TET2: variants seen among roughly 807,000 people sequenced by gnomAD.
TET2 encodes tet methylcytosine dioxygenase 2, also known as methylcytosine dioxygenase TET2.
In TET2, 299 loss-of-function variants were observed where a neutral mutation model predicts 142.9. The observed-to-expected ratio is 2.09, with a 90% CI of 1.90 to 2.30. The LOEUF (loss-of-function observed/expected upper bound fraction) is 2.30, where lower values mean the gene tolerates loss of function less well. Ranked by LOEUF, TET2 falls within the 30% of genes most tolerant of loss-of-function variation. The pLI is 0.00. For synonymous variants in TET2, 819 were observed against 849.0 expected, an observed-to-expected ratio of 0.96 and a Z score of 0.61; for missense variants, 2,418 against 2,378.0, an observed-to-expected ratio of 1.02 and a Z score of -0.35.
Position 105,237,338 on chromosome 4 carries a change from T to C in TET2, c.3396T>C (p.Ser1132=), listed in dbSNP as rs1432605535. The part of the protein sequence containing the change: ...TPVKTQYDFP[S]CRCVEQIIEK... ...TCAAGACTCAATATGATTTCCCATC[T>C]TGCAGATGTGTAGGTAAGTGCCAGA... is the stretch of plus-strand genomic sequence containing the variant. The change falls in exon 3 of 11, where the codon TCT becomes TCC. Residue 1132 remains serine, a synonymous_variant. Transcript: ENST00000380013. The C allele has an allele frequency of 6.2e-7, 1 of 1,614,170 alleles. No individual in the cohort carries two copies. The highest frequency in any genetic ancestry group is 1.7e-5 in the Admixed American group (1 of 60,022).
At chr4:105,185,554 G>A (rs1382764815) in intron 1 of TET2, among the ~76,000 whole-genome samples, 1 of 152,168 alleles carries the variant, frequency 6.6e-6, no homozygotes, top group East Asian at 1.9e-4. Flanking sequence ...GCCGAGGTAT[G>A]CGGATCACGA....
At chr4:105,194,371 A>T (rs1489915099) in intron 2 of TET2, among the ~76,000 whole-genome samples, 1 of 152,014 alleles carries the variant, frequency 6.6e-6, no homozygotes, top group Admixed American at 6.6e-5. Context: ...TTATCTTTTT[A>T]TCTTTTCAGT....
rs1166792114 is a variant in TET2 at position 105,276,123 on chromosome 4, TCTC to T, written c.5614_5616del (p.Leu1872del). 6.4e-7 allele frequency: 1 copy of T among 1,551,464 alleles called. No individual in the cohort carries two copies. The highest frequency in any genetic ancestry group is 8.7e-7 in the Non-Finnish European group (1 of 1,146,958). ...CCGTGGCTCCAACTCATGGGTCAATTCTCATTGAGTGTGCAAAGCGTGAGCTGC... is the reference window on the plus strand; with the variant it reads ...CCGTGGCTCCAACTCATGGGTCAATTATTGAGTGTGCAAAGCGTGAGCTGC... On this transcript the variant is annotated inframe_deletion, in exon 11 of 11. Coordinates refer to ENST00000380013, the MANE Select transcript of TET2 (RefSeq NM_001127208.3).
chr4:105,193,796 A>C (rs1725924199), intron 2 of TET2, among the ~76,000 whole-genome samples: 1 of 152,216 alleles, frequency 6.6e-6, no homozygotes, highest in Admixed American at 6.5e-5. Flanking sequence ...GATATTCTTA[A>C]GGCAACTAAA....
chr4:105,224,974 A>G (rs994606283), intron 2 of TET2, among the ~76,000 whole-genome samples: 14 of 152,112 alleles, frequency 9.2e-5, no homozygotes, highest in African/African-American at 3.4e-4. Context: ...GACTAGTGGG[A>G]TCTAAATTAT....
chr4:105,204,588 G>T (rs1463030591), intron 2 of TET2, among the ~76,000 whole-genome samples: 2 of 152,216 alleles, frequency 1.3e-5, no homozygotes, highest in Non-Finnish European at 2.9e-5. Context: ...GAATATCTGT[G>T]GCACAATGGG....
At chr4:105,270,782 G>A (rs982292586) in intron 9 of TET2, among the ~76,000 whole-genome samples, 1 of 151,990 alleles carries the variant, frequency 6.6e-6, no homozygotes, top group African/African-American at 2.4e-5. Flanking sequence ...AAAATATTCT[G>A]TTGAAAAAAC....
chr4:105,267,947 C>T (rs1730769318), intron 8 of TET2, among the ~76,000 whole-genome samples: 1 of 152,024 alleles, frequency 6.6e-6, no homozygotes, highest in Non-Finnish European at 1.5e-5. Flanking sequence ...CTATTAAATA[C>T]ATAAATGGAA....
At chr4:105,225,185 C>CTGTGTGTGT (rs112615379) in intron 2 of TET2, among the ~76,000 whole-genome samples, 9 of 147,104 alleles carry the variant, frequency 6.1e-5, no homozygotes, top group African/African-American at 2.0e-4. Flanking sequence ...AGTAAAAAAT[C>CTGTGTGTGT]GTGTGTGTGT....
intron 2 of TET2, among the ~76,000 whole-genome samples, chr4:105,202,047 C>T (rs1038586517): frequency 3.3e-5 from 5 of 151,914 alleles, no homozygotes; most frequent in South Asian, 2.1e-4. Flanking sequence ...CCAGCCCCTC[C>T]GGAATCTTTA....
Position 105,237,156 on chromosome 4 carries a change from G to T in TET2, c.3214G>T (p.Ala1072Ser). The T allele has an allele frequency of 6.2e-7, 1 of 1,614,110 alleles. No homozygotes were observed. The change falls in exon 3 of 11, where the codon GCA (alanine) becomes TCA (serine). Residue 1072 changes from alanine to serine, a missense_variant. Physicochemically the swap from Ala to Ser is moderately conservative, Grantham distance 99. Coordinates refer to ENST00000380013, the MANE Select transcript of TET2 (RefSeq NM_001127208.3). The stretch of plus-strand genomic sequence containing the variant: ...AGTTTTGACTAGACAAACCACTGCT[G>T]CAGAACTTGATAGCCACACCCCAGC... ...VTVLTRQTTAAELDSHTPALE... is the reference protein window; with the variant it reads ...VTVLTRQTTASELDSHTPALE...
chr4:105,168,428 G>A (rs1465611435), intron 1 of TET2, among the ~76,000 whole-genome samples: 6 of 151,930 alleles, frequency 3.9e-5, no homozygotes, highest in Non-Finnish European at 5.9e-5. Context: ...CCCTCTTCCT[G>A]GAGCACCCTT....
At chr4:105,223,576 A>C (rs547284164) in intron 2 of TET2, among the ~76,000 whole-genome samples, 167 of 152,168 alleles carry the variant, frequency 1.1e-3, no homozygotes, top group Non-Finnish European at 1.9e-3. Context: ...TTAGAACACT[A>C]TACAGAGGGA....
chr4:105,265,690 T>A (rs1239436005), intron 8 of TET2, among the ~76,000 whole-genome samples: 2 of 152,176 alleles, frequency 1.3e-5, no homozygotes, highest in African/African-American at 4.8e-5. Context: ...TGCAAGTTCA[T>A]CTTCTAGCCA....
At chr4:105,206,605 G>A (rs971031496) in intron 2 of TET2, among the ~76,000 whole-genome samples, 2 of 152,164 alleles carry the variant, frequency 1.3e-5, no homozygotes, top group Non-Finnish European at 2.9e-5. Flanking sequence ...CTGGGATTGG[G>A]CTCTTAGTGA....
Position 105,276,001 on chromosome 4 carries a change from G to T in TET2, c.5491G>T (p.Ala1831Ser). 3 of 1,551,774 alleles carry T rather than the reference G, an allele frequency of 1.9e-6. No individual in the cohort carries two copies. The highest frequency in any genetic ancestry group is 2.6e-6 in the Non-Finnish European group (3 of 1,147,012). Residue 1831 changes from alanine to serine, a missense_variant, in exon 11 of 11, where the codon GCA becomes TCA. Coordinates refer to ENST00000380013, the MANE Select transcript of TET2 (RefSeq NM_001127208.3). ...DANGQEKQPL[A>S]LVQGVASGAE... ...TAATGGTCAGGAAAAGCAGCCATTGGCACTAGTCCAGGGTGTGGCTTCTGG... is the reference window on the plus strand; with the variant it reads ...TAATGGTCAGGAAAAGCAGCCATTGTCACTAGTCCAGGGTGTGGCTTCTGG...
chr4:105,263,668 A>G (rs1161752753), intron 8 of TET2, among the ~76,000 whole-genome samples: 1 of 152,176 alleles, frequency 6.6e-6, no homozygotes, highest in Non-Finnish European at 1.5e-5. Context: ...AGCACTGTAG[A>G]TTTGAGAGTC....
At chr4:105,202,706 C>T (rs947889938) in intron 2 of TET2, among the ~76,000 whole-genome samples, 5 of 152,126 alleles carry the variant, frequency 3.3e-5, no homozygotes, top group Admixed American at 6.5e-5. Context: ...ACAGTGAGCC[C>T]TCATTTTGCA....
At chr4:105,199,027 GA>G (rs1726273555) in intron 2 of TET2, among the ~76,000 whole-genome samples, 1 of 152,146 alleles carries the variant, frequency 6.6e-6, no homozygotes, top group East Asian at 1.9e-4. Flanking sequence ...AAACTTTAGG[GA>G]TATGTTTAGT....
Sources: allele counts gnomAD v4.1 joint callset (sites outside exome capture counted in the v4.1 genomes callset), GRCh38; gene constraint gnomAD v4.1.1; transcripts MANE v1.5; gene names NCBI Gene and HGNC (gene_info 2026-07-23, HGNC 2026-07-21).